Variants in PHKB observed in about 807,000 individuals in gnomAD.
The protein encoded by PHKB is phosphorylase b kinase regulatory subunit beta.
Under a neutral mutation model 152.1 loss-of-function variants are expected in PHKB, and 122 were observed. The ratio of observed to expected loss-of-function variants is 0.80; its 90% CI spans 0.69 to 0.93. The LOEUF (loss-of-function observed/expected upper bound fraction) is 0.93, where lower values mean the gene tolerates loss of function less well. PHKB is among the 40% of genes least tolerant of loss of function. The pLI, the probability that PHKB is intolerant of heterozygous loss-of-function variation, is 0.00. For missense variants in PHKB, 1,304 were observed against 1,328.4 expected (o/e 0.98, Z 0.29); for synonymous variants, 436 against 464.9 (o/e 0.94, Z 0.80).
intron 13 of PHKB, among the ~76,000 whole-genome samples, chr16:47,609,134 C>A (rs1243733460): frequency 6.6e-6 from 1 of 152,104 alleles, no homozygotes; most frequent in Non-Finnish European, 1.5e-5. Flanking sequence ...TTGTCAAATG[C>A]TTTTTCTCAG....
intron 29 of PHKB, among the ~76,000 whole-genome samples, chr16:47,697,607 G>C (rs2142111758): frequency 6.6e-6 from 1 of 152,160 alleles, no homozygotes; most frequent in Middle Eastern, 3.4e-3. Context: ...TGTTTCCTTT[G>C]GTTCTTTCAG....
At chr16:47,624,091 A>C (rs550286829) in intron 14 of PHKB, among the ~76,000 whole-genome samples, 1 of 152,336 alleles carries the variant, frequency 6.6e-6, no homozygotes, top group South Asian at 2.1e-4. Flanking sequence ...CATAAACTTT[A>C]CGAATCTCCA....
At position 47,560,537 on chromosome 16, in the gene PHKB, T is replaced by C. The variant is rs182768056; in HGVS notation, c.710+12989T>C. On this transcript the variant is annotated intron_variant, in intron 7 of 30. Transcript: ENST00000323584. ...AAAACTTACTGCAAAGCTACAATAA[T>C]TAAAATAGTGTGGTTCTGGCATAAG... is the stretch of plus-strand genomic sequence containing the variant. Among the ~76,000 whole-genome samples, 17 of 152,260 alleles carry C rather than the reference T, an allele frequency of 1.1e-4. No individual in the cohort carries two copies. In the East Asian group the frequency reaches 3.3e-3, roughly 29 times the overall value.
intron 6 of PHKB, among the ~76,000 whole-genome samples, chr16:47,521,766 T>A (rs1970689619): frequency 6.6e-6 from 1 of 152,156 alleles, no homozygotes; most frequent in Non-Finnish European, 1.5e-5. Context: ...AGTGCTTTCA[T>A]CATGGAAAGT....
At chr16:47,555,215 A>G (rs1368970541) in intron 7 of PHKB, among the ~76,000 whole-genome samples, 1 of 152,222 alleles carries the variant, frequency 6.6e-6, no homozygotes, top group Non-Finnish European at 1.5e-5. Context: ...CTACTGTCCA[A>G]CCATTCTGCT....
At chr16:47,550,321 T>C (rs961743618) in intron 7 of PHKB, among the ~76,000 whole-genome samples, 2 of 152,228 alleles carry the variant, frequency 1.3e-5, no homozygotes, top group African/African-American at 4.8e-5. Flanking sequence ...CTGTCTCTGC[T>C]GTAGGATACC....
At chr16:47,643,964 G>A (rs1019090146) in intron 16 of PHKB, among the ~76,000 whole-genome samples, 2 of 151,956 alleles carry the variant, frequency 1.3e-5, no homozygotes, top group African/African-American at 4.8e-5. Context: ...TGTGTCTTTC[G>A]GTGCACTAAA....
In PHKB at chr16:47,594,230, T is replaced by A. The variant is rs770811962; in HGVS notation, c.1204+16T>A. On this transcript the variant is annotated intron_variant, in intron 12 of 30. Transcript: ENST00000323584. ...ACCACAGAAGGTATAGTTGTTTTTT[T>A]AAGAAATTCTTCCTACCAACATTTC... 6.2e-6 allele frequency: 8 copies of A among 1,300,262 alleles called. No homozygotes were observed. The South Asian group carries it at 7.1e-5, about 12-fold the overall frequency. 80.5% of individuals were successfully genotyped at this position (1,300,262 alleles called of 1,614,324 possible).
intron 25 of PHKB, chr16:47,665,957 T>C: frequency 6.2e-7 from 1 of 1,613,880 alleles, no homozygotes; most frequent in Non-Finnish European, 8.5e-7. Flanking sequence ...TTGTACGCCG[T>C]GCAGCAAGTC....
At chr16:47,656,219 G>A (rs536102127) in intron 20 of PHKB, among the ~76,000 whole-genome samples, 2 of 151,964 alleles carry the variant, frequency 1.3e-5, no homozygotes, top group Non-Finnish European at 2.9e-5. Context: ...GGGTTTCACC[G>A]TGTTAGCCAG....
intron 5 of PHKB, 74 bp from the exon 6 acceptor site, chr16:47,515,447 T>C (rs534080340): frequency 1.3e-6 from 1 of 769,346 alleles, no homozygotes; most frequent in East Asian, 2.5e-5. Context: ...CTTGTAATTT[T>C]AGCCTTAATT....
chr16:47,499,206 T>C (rs1005234367), intron 2 of PHKB, among the ~76,000 whole-genome samples: 1 of 152,196 alleles, frequency 6.6e-6, no homozygotes, highest in Non-Finnish European at 1.5e-5. Flanking sequence ...ATGAATACTG[T>C]AGACTCCCTC....
chr16:47,689,234 T>A, intron 27 of PHKB, 59 bp downstream of exon 27: 1 of 1,542,690 alleles, frequency 6.5e-7, no homozygotes, highest in Non-Finnish European at 9.0e-7. Context: ...CATCATAATT[T>A]TTAGCTTGAT....
intron 14 of PHKB, among the ~76,000 whole-genome samples, chr16:47,640,565 T>A (rs1462450871): frequency 6.6e-6 from 1 of 152,228 alleles, no homozygotes; most frequent in Non-Finnish European, 1.5e-5. Context: ...TATTTTGATG[T>A]ATAAGGTGCC....
intron 6 of PHKB, among the ~76,000 whole-genome samples, chr16:47,534,205 G>C (rs955785292): frequency 6.6e-6 from 1 of 152,172 alleles, no homozygotes; most frequent in Non-Finnish European, 1.5e-5. Context: ...ATGGCCCACC[G>C]CTGCCATCAC....
intron 26 of PHKB, among the ~76,000 whole-genome samples, chr16:47,686,516 A>G (rs1973968029): frequency 6.6e-6 from 1 of 152,196 alleles, no homozygotes; most frequent in Non-Finnish European, 1.5e-5. Flanking sequence ...TTGTTCCTCA[A>G]AATAATTTCA....
At chr16:47,529,142 C>T (rs1970816820) in intron 6 of PHKB, 1 of 151,866 alleles carries the variant, frequency 6.6e-6, no homozygotes, top group Non-Finnish European at 1.5e-5. Context: ...GGTGGTATTC[C>T]TCTAGGTATC....
intron 14 of PHKB, among the ~76,000 whole-genome samples, chr16:47,621,310 G>A (rs1972613099): frequency 6.6e-6 from 1 of 152,126 alleles, no homozygotes; most frequent in African/African-American, 2.4e-5. Flanking sequence ...TCAGGAAGTT[G>A]AGTTTACTGC....
intron 10 of PHKB, 129 bp from the exon 11 acceptor site, chr16:47,593,371 G>C: frequency 1.6e-6 from 1 of 625,494 alleles, no homozygotes; most frequent in East Asian, 2.9e-5. Context: ...GCCCAGGAGG[G>C]CAAGGCTGCA....
Sources: allele counts gnomAD v4.1 joint callset (sites outside exome capture counted in the v4.1 genomes callset), GRCh38; gene constraint gnomAD v4.1.1; transcripts MANE v1.5; gene names NCBI Gene and HGNC (gene_info 2026-07-23, HGNC 2026-07-21).